GALNT18: variants seen among roughly 807,000 people sequenced by gnomAD.
The protein encoded by GALNT18 is polypeptide N-acetylgalactosaminyltransferase 18.
GALNT18 carries 44 observed loss-of-function variants against 69.5 expected under a neutral mutation model. That is an observed-to-expected ratio of 0.63 (90% confidence interval 0.50 to 0.81). The LOEUF (loss-of-function observed/expected upper bound fraction) is 0.81, where lower values mean the gene tolerates loss of function less well. Ranked by LOEUF, GALNT18 falls within the 40% of genes least tolerant of loss-of-function variation. GALNT18 has a pLI of 0.00. For synonymous variants in GALNT18, 364 were observed against 318.2 expected, an observed-to-expected ratio of 1.14 and a Z score of -1.53; for missense variants, 715 against 810.0, an observed-to-expected ratio of 0.88 and a Z score of 1.42.
chr11:11,464,954 A>C (rs562993151), intron 1 of GALNT18, among the ~76,000 whole-genome samples: 16 of 152,298 alleles, frequency 1.1e-4, no homozygotes, highest in Middle Eastern at 6.8e-3. Flanking sequence ...TATTATTGTT[A>C]CTGGTCAGGT....
chr11:11,354,697 C>A (rs190730426), intron 6 of GALNT18, among the ~76,000 whole-genome samples: 1 of 152,106 alleles, frequency 6.6e-6, no homozygotes, highest in African/African-American at 2.4e-5. Context: ...CACAGCTTTT[C>A]GGGACAGGGG....
At chr11:11,373,699 C>A (rs80117466) in intron 5 of GALNT18, among the ~76,000 whole-genome samples, 2,864 of 152,322 alleles carry the variant, frequency 0.019, 39 homozygotes, top group Non-Finnish European at 0.029. Flanking sequence ...TGGGTCTCAC[C>A]AGCTCTGTGA....
intron 1 of GALNT18, among the ~76,000 whole-genome samples, chr11:11,531,959 C>T (rs1857660172): frequency 6.6e-6 from 1 of 152,216 alleles, no homozygotes; most frequent in African/African-American, 2.4e-5. Flanking sequence ...ACCGCAGTCT[C>T]TACACACCTG....
At chr11:11,609,349 C>T (rs928199546) in intron 1 of GALNT18, among the ~76,000 whole-genome samples, 1 of 152,228 alleles carries the variant, frequency 6.6e-6, no homozygotes, top group Non-Finnish European at 1.5e-5. Flanking sequence ...TTCAGGCACA[C>T]TCCTGCCACA....
At chr11:11,277,140 C>G (rs560080924) in intron 10 of GALNT18, among the ~76,000 whole-genome samples, 3 of 152,266 alleles carry the variant, frequency 2.0e-5, no homozygotes, top group South Asian at 4.2e-4. Context: ...CCGTCTGGTC[C>G]TGGACTTTTT....
At chr11:11,513,299 A>G (rs1163674678) in intron 1 of GALNT18, among the ~76,000 whole-genome samples, 1 of 152,230 alleles carries the variant, frequency 6.6e-6, no homozygotes, top group Admixed American at 6.5e-5. Flanking sequence ...GGCTTGAAGA[A>G]AAGGAATTAG....
At chr11:11,553,941 C>T (rs932433777) in intron 1 of GALNT18, among the ~76,000 whole-genome samples, 29 of 152,204 alleles carry the variant, frequency 1.9e-4, no homozygotes, top group African/African-American at 4.8e-4. Flanking sequence ...ACGAGCGGCT[C>T]GGGCTCTGCC....
At chr11:11,476,571 C>A (rs190407702) in intron 1 of GALNT18, 1 of 152,164 alleles carries the variant, frequency 6.6e-6, no homozygotes, top group African/African-American at 2.4e-5. Flanking sequence ...TGGACAGCTC[C>A]GGTGACAAGG....
intron 6 of GALNT18, among the ~76,000 whole-genome samples, chr11:11,362,059 G>A (rs1233849660): frequency 4.6e-5 from 7 of 152,172 alleles, no homozygotes; most frequent in Non-Finnish European, 8.8e-5. Context: ...AATAAAGGTA[G>A]TTTTGCAAAA....
chr11:11,529,119 C>T (rs1478440437), intron 1 of GALNT18, among the ~76,000 whole-genome samples: 1 of 152,196 alleles, frequency 6.6e-6, no homozygotes, highest in Non-Finnish European at 1.5e-5. Flanking sequence ...AGTGCCTTCC[C>T]TGTGTTTCAC....
intron 6 of GALNT18, among the ~76,000 whole-genome samples, chr11:11,364,546 T>C (rs1280008596): frequency 7.0e-6 from 1 of 143,026 alleles, no homozygotes; most frequent in African/African-American, 2.5e-5. Context: ...AAAACGAAAT[T>C]ACAAGAGGGG....
chr11:11,378,915 G>A (rs868497596), intron 4 of GALNT18, among the ~76,000 whole-genome samples, 166 bp downstream of exon 4: 2 of 152,134 alleles, frequency 1.3e-5, no homozygotes, highest in South Asian at 2.1e-4. Context: ...GAACCCTAAA[G>A]GTCCAGCCTT....
chr11:11,492,491 C>A (rs1458359356), intron 1 of GALNT18, among the ~76,000 whole-genome samples: 2 of 152,198 alleles, frequency 1.3e-5, no homozygotes, highest in Non-Finnish European at 2.9e-5. Context: ...AGACTTGGAA[C>A]CAATCCAAAT....
In GALNT18 at chr11:11,358,381, A is replaced by G. The variant is rs977761999; in HGVS notation, c.1092+14134T>C. 2.9e-5 allele frequency among the ~76,000 whole-genome samples: 4 copies of G among 140,232 alleles called. No homozygotes were observed. The East Asian group carries it at 7.7e-4, about 27-fold the overall frequency. The allele number at this position is 140,232 out of a possible 152,430, so 92.0% of individuals were successfully genotyped here. A position where few individuals can be genotyped will look rare whatever the true frequency, so the allele number is the denominator to read the frequency against. ...CTTGCCACATTTTCCCCCTCAAACT[A>G]TCTCAAATTCTTCTCTAGCCAATGG... On this transcript the variant is annotated intron_variant, in intron 6 of 10. Coordinates refer to ENST00000227756, the MANE Select transcript of GALNT18 (RefSeq NM_198516.3).
intron 3 of GALNT18, among the ~76,000 whole-genome samples, chr11:11,420,915 GC>G (rs1564939974): frequency 6.6e-6 from 1 of 152,040 alleles, no homozygotes; most frequent in Non-Finnish European, 1.5e-5. Context: ...GGGGAAGAAG[GC>G]CTTTTTTTTT....
chr11:11,342,529 T>C (rs1850227106), intron 6 of GALNT18, among the ~76,000 whole-genome samples: 1 of 152,232 alleles, frequency 6.6e-6, no homozygotes, highest in East Asian at 1.9e-4. Context: ...CACCCATCCA[T>C]GTCACACCAG....
chr11:11,353,028 A>T (rs1249432422), intron 6 of GALNT18: 1 of 1,614,074 alleles, frequency 6.2e-7, no homozygotes, highest in African/African-American at 1.3e-5. Flanking sequence ...TCCCCATTCC[A>T]CCACATGTGA....
chr11:11,321,859 C>G (rs967060541), intron 9 of GALNT18, among the ~76,000 whole-genome samples: 23 of 152,206 alleles, frequency 1.5e-4, no homozygotes, highest in South Asian at 2.1e-4. Flanking sequence ...CCTGCCTCGG[C>G]CTCCCAAAGT....
At chr11:11,475,159 G>A (rs1329972652) in intron 1 of GALNT18, 1 of 150,392 alleles carries the variant, frequency 6.6e-6, no homozygotes, top group East Asian at 2.0e-4. Flanking sequence ...TCACAATAAA[G>A]TGAATAACCA....
Sources: gnomAD v4.1 joint callset for allele counts (sites outside exome capture counted in the v4.1 genomes callset) on GRCh38, gnomAD v4.1.1 for gene constraint, MANE v1.5 for transcripts, NCBI Gene and HGNC (gene_info 2026-07-23, HGNC 2026-07-21) for gene names.